The following FMNL2 variants were observed in gnomAD, a reference collection of about 807,000 sequenced individuals.
FMNL2 encodes formin like 2, also known as formin-like protein 2.
In FMNL2, 51 loss-of-function variants were observed where a neutral mutation model predicts 130.2. That is an observed-to-expected ratio of 0.39 (90% CI 0.31 to 0.49). FMNL2 has a LOEUF of 0.49. Among genes scored for constraint, FMNL2 ranks in the 20% least tolerant of loss-of-function variants. The pLI, the probability that FMNL2 is intolerant of heterozygous loss-of-function variation, is 0.85. For missense variants in FMNL2, 977 were observed against 1,316.2 expected, an observed-to-expected ratio of 0.74 and a Z score of 3.99; for synonymous variants, 465 against 467.1, an observed-to-expected ratio of 1.00 and a Z score of 0.06.
chr2:152,352,899 A>T (rs1682581552), intron 1 of FMNL2, among the ~76,000 whole-genome samples: 1 of 151,946 alleles, frequency 6.6e-6, no homozygotes, highest in Admixed American at 6.6e-5. Context: ...TTGGACTTCC[A>T]TGTGAGAAGA....
chr2:152,483,713 C>T (rs1026484497), intron 1 of FMNL2, among the ~76,000 whole-genome samples: 12 of 152,244 alleles, frequency 7.9e-5, no homozygotes, highest in African/African-American at 2.9e-4. Context: ...CTCCAGCTTT[C>T]CTTTACTAGC....
intron 3 of FMNL2, among the ~76,000 whole-genome samples, chr2:152,547,020 G>A (rs1364914771): frequency 6.8e-6 from 1 of 147,520 alleles, no homozygotes; most frequent in Non-Finnish European, 1.5e-5. Context: ...ATTTCGGCTT[G>A]CTGCAACCGC....
At chr2:152,450,106 TGG>T (rs1439853246) in intron 1 of FMNL2, among the ~76,000 whole-genome samples, 1 of 152,158 alleles carries the variant, frequency 6.6e-6, no homozygotes, top group Non-Finnish European at 1.5e-5. Context: ...ACTGAGAGCT[TGG>T]GGAATAAAAA....
chr2:152,383,245 T>C (rs1684583356), intron 1 of FMNL2, among the ~76,000 whole-genome samples: 1 of 151,564 alleles, frequency 6.6e-6, no homozygotes, highest in African/African-American at 2.4e-5. Context: ...TAGTGGAAAC[T>C]TTTTAGGTGT....
chr2:152,542,630 A>G (rs1002540361), intron 2 of FMNL2, 109 bp from the exon 3 acceptor site: 2 of 1,073,014 alleles, frequency 1.9e-6, no homozygotes, highest in African/African-American at 1.6e-5. Flanking sequence ...GCAGGGCCAC[A>G]TTTATACTGT....
At chr2:152,502,876 G>C (rs866489135) in intron 1 of FMNL2, among the ~76,000 whole-genome samples, 6 of 152,088 alleles carry the variant, frequency 3.9e-5, no homozygotes, top group Admixed American at 2.0e-4. Context: ...TTGAGAGAAG[G>C]GGGTAAGGAG....
At chr2:152,370,320 CTT>C (rs1230529673) in intron 1 of FMNL2, among the ~76,000 whole-genome samples, 1 of 152,110 alleles carries the variant, frequency 6.6e-6, no homozygotes, top group Non-Finnish European at 1.5e-5. Flanking sequence ...CCCGGGGTCT[CTT>C]TTTATAAGGG....
At chr2:152,496,209 T>C (rs1691512872) in intron 1 of FMNL2, among the ~76,000 whole-genome samples, 1 of 152,194 alleles carries the variant, frequency 6.6e-6, no homozygotes, top group Admixed American at 6.5e-5. Flanking sequence ...AGTTGTTATG[T>C]CTCTCCAGTT....
chr2:152,600,620 G>A (rs1449938205), intron 9 of FMNL2, among the ~76,000 whole-genome samples: 3 of 152,110 alleles, frequency 2.0e-5, no homozygotes, highest in Non-Finnish European at 4.4e-5. Context: ...CCCACCCTTT[G>A]AGATGCTTTA....
At chr2:152,347,190 T>C (rs1279349565) in intron 1 of FMNL2, among the ~76,000 whole-genome samples, 1 of 152,074 alleles carries the variant, frequency 6.6e-6, no homozygotes, top group East Asian at 1.9e-4. Flanking sequence ...TCAGGAGTGG[T>C]GAGACTTGGC....
chr2:152,574,800 A>G (rs926594069), intron 6 of FMNL2, among the ~76,000 whole-genome samples: 1 of 152,236 alleles, frequency 6.6e-6, no homozygotes, highest in Admixed American at 6.5e-5. Flanking sequence ...TTAAAATAAG[A>G]AAGATAGAGG....
chr2:152,600,238 G>T (rs1351618706), intron 9 of FMNL2, among the ~76,000 whole-genome samples: 1 of 152,192 alleles, frequency 6.6e-6, no homozygotes, highest in East Asian at 1.9e-4. Flanking sequence ...CCTGCAGGGA[G>T]CCTTGCAGAT....
intron 12 of FMNL2, among the ~76,000 whole-genome samples, chr2:152,616,102 G>C (rs1057450670): frequency 1.3e-5 from 2 of 152,030 alleles, no homozygotes; most frequent in African/African-American, 4.8e-5. Flanking sequence ...TGCCTCCCTG[G>C]TTTTCTTTAC....
intron 23 of FMNL2, among the ~76,000 whole-genome samples, chr2:152,639,026 C>T (rs568933705): frequency 8.3e-5 from 12 of 143,812 alleles, no homozygotes; most frequent in East Asian, 6.2e-4. Flanking sequence ...TGTCCATCAG[C>T]GTGCTCCTTC....
chr2:152,582,119 T>C (rs1191387430), intron 9 of FMNL2, among the ~76,000 whole-genome samples: 2 of 152,216 alleles, frequency 1.3e-5, no homozygotes. Flanking sequence ...TGTGGTCACA[T>C]AGCTAGATAA....
At chr2:152,459,764 A>G (rs778696364) in intron 1 of FMNL2, among the ~76,000 whole-genome samples, 2 of 152,232 alleles carry the variant, frequency 1.3e-5, no homozygotes, top group African/African-American at 4.8e-5. Context: ...ATTGAGTTGC[A>G]TACTTTAAAT....
chr2:152,467,822 T>C (rs928217220), intron 1 of FMNL2, among the ~76,000 whole-genome samples: 1 of 152,258 alleles, frequency 6.6e-6, no homozygotes, highest in African/African-American at 2.4e-5. Context: ...ATTTGTTTAT[T>C]GAGTTCTTAA....
intron 1 of FMNL2, among the ~76,000 whole-genome samples, chr2:152,496,153 CCCTT>C (rs1691510300): frequency 6.6e-6 from 1 of 152,068 alleles, no homozygotes; most frequent in Non-Finnish European, 1.5e-5. Context: ...CCTGCTGATG[CCCTT>C]TTCTGGGTCC....
At chr2:152,632,279 C>T (rs906436785) in intron 21 of FMNL2, 142 bp downstream of exon 21, 49 of 1,136,312 alleles carry the variant, frequency 4.3e-5, no homozygotes, top group Non-Finnish European at 5.5e-5. Flanking sequence ...TGGAACACAT[C>T]GGCCGTGGTG....
Sources: allele counts gnomAD v4.1 joint callset (sites outside exome capture counted in the v4.1 genomes callset), GRCh38; gene constraint gnomAD v4.1.1; transcripts MANE v1.5; gene names NCBI Gene and HGNC (gene_info 2026-07-23, HGNC 2026-07-21).